ANKRD66: variants seen among roughly 807,000 people sequenced by gnomAD.
The protein encoded by ANKRD66 is ankyrin repeat domain 66.
In ANKRD66, 10 loss-of-function variants were observed where a neutral mutation model predicts 10.9. That is an observed-to-expected ratio of 0.91 (90% CI 0.56 to 1.55). The LOEUF is 1.55. ANKRD66 is among the 40% of genes most tolerant of loss of function. The pLI, the probability that ANKRD66 is intolerant of heterozygous loss-of-function variation, is 0.00. For synonymous variants in ANKRD66, 85 were observed against 88.4 expected, an observed-to-expected ratio of 0.96 and a Z score of 0.22; for missense variants, 252 against 242.9, an observed-to-expected ratio of 1.04 and a Z score of -0.25.
chr6:46,752,608 T>C (rs1766295854), intron 3 of ANKRD66, among the ~76,000 whole-genome samples: 1 of 152,236 alleles, frequency 6.6e-6, no homozygotes, highest in African/African-American at 2.4e-5. Flanking sequence ...TTGATATCTC[T>C]GGGCCTGTTT....
Position 46,749,957 on chromosome 6 carries a change from C to G in ANKRD66, c.-35C>G. On this transcript the variant is annotated 5_prime_UTR_variant, in exon 2 of 5. Transcript: ENST00000565422. ...CTTACCACAACAAAGATGGCCGGAC[C>G]CCTGCCCAGAGTTTCAGATTCTGTA... 1 of 1,509,632 alleles carries G rather than the reference C, an allele frequency of 6.6e-7. No individual in the cohort carries two copies. The allele number at this position is 1,509,632 out of a possible 1,614,324, so 93.5% of individuals were successfully genotyped here.
At chr6:46,749,151 C>T (rs755658281) in intron 1 of ANKRD66, among the ~76,000 whole-genome samples, 1 of 152,196 alleles carries the variant, frequency 6.6e-6, no homozygotes, top group East Asian at 1.9e-4. Context: ...CACAGCTGTG[C>T]CTGGCCACTG....
chr6:46,756,868 A>G (rs1196681393), intron 4 of ANKRD66: 1 of 152,148 alleles, frequency 6.6e-6, no homozygotes, highest in Non-Finnish European at 1.5e-5. Flanking sequence ...TGCTTTTTCT[A>G]AGAATAAATC....
chr6:46,748,346 T>C (rs573618043), intron 1 of ANKRD66, among the ~76,000 whole-genome samples: 65 of 152,278 alleles, frequency 4.3e-4, no homozygotes, highest in African/African-American at 1.5e-3. Context: ...CCATGGAAAG[T>C]TATGGAATCT....
At chr6:46,752,818 C>A (rs1043886767) in intron 3 of ANKRD66, among the ~76,000 whole-genome samples, 4 of 152,142 alleles carry the variant, frequency 2.6e-5, no homozygotes, top group African/African-American at 4.8e-5. Context: ...ATCCCCCACG[C>A]CTTACATAGC....
intron 1 of ANKRD66, among the ~76,000 whole-genome samples, chr6:46,747,785 A>G (rs977831095): frequency 2.0e-5 from 3 of 152,212 alleles, no homozygotes; most frequent in African/African-American, 4.8e-5. Flanking sequence ...ATATGGATAT[A>G]TGTTTTTCTT....
At position 46,758,909 on chromosome 6, in the gene ANKRD66, G is replaced by A. The variant is rs1416605329; in HGVS notation, c.579G>A (p.Gly193=). 6.5e-7 allele frequency: 1 copy of A among 1,549,854 alleles called. No homozygotes were observed. Among genetic ancestry groups the A allele is most frequent in the Non-Finnish European group, 8.7e-7 (1 of 1,146,266 alleles). The change falls in exon 5 of 5, where the codon GGG becomes GGA. Residue 193 remains glycine (G), a synonymous_variant. Coordinates refer to ENST00000565422, the MANE Select transcript of ANKRD66 (RefSeq NM_001162435.3). The part of the protein sequence containing the change: ...RGPTRPSNTK[G]RRV The stretch of plus-strand genomic sequence containing the variant: ...CCACCAGGCCCAGCAATACCAAGGG[G>A]AGGAGAGTATGAGAACTCAACCTTA...
rs781640324 is a variant in ANKRD66 at position 46,749,405 on chromosome 6, G to A, written c.-96-491G>A. On this transcript the variant is annotated intron_variant, in intron 1 of 4. Transcript: ENST00000565422. Reference sequence around the variant, plus strand: ...TTCCCCCTCAGGCTTGTCCTCGTTCGCCTAAGAATATCTCCACCTGAGGGC... The same window carrying A: ...TTCCCCCTCAGGCTTGTCCTCGTTCACCTAAGAATATCTCCACCTGAGGGC... 9.4e-4 allele frequency among the ~76,000 whole-genome samples: 143 copies of A among 152,224 alleles called. 2 individuals carry two copies. The highest frequency in any genetic ancestry group is 3.4e-4 in the Non-Finnish European group (23 of 68,006).
Position 46,758,985 on chromosome 6 carries a change from A to G in ANKRD66, c.*64A>G. The G allele has an allele frequency of 6.9e-7, 1 of 1,454,552 alleles. No individual in the cohort carries two copies. The highest frequency in any genetic ancestry group is 9.2e-7 in the Non-Finnish European group (1 of 1,086,908). 90.1% of individuals were successfully genotyped at this position (1,454,552 alleles called of 1,614,324 possible). On this transcript the variant is annotated 3_prime_UTR_variant, in exon 5 of 5. Transcript: ENST00000565422. ...GGTGCCAGAAATGAGGCTGTTAGGCATGGTGGCCTTTCCATGACTTTACTC... is the reference window on the plus strand; with the variant it reads ...GGTGCCAGAAATGAGGCTGTTAGGCGTGGTGGCCTTTCCATGACTTTACTC...
At chr6:46,753,604 G>A in intron 3 of ANKRD66, 118 bp from the exon 4 acceptor site, 1 of 919,606 alleles carries the variant, frequency 1.1e-6, no homozygotes, top group Non-Finnish European at 1.6e-6. Flanking sequence ...TAGGAAACTG[G>A]AGGCTCCTCA....
Position 46,752,258 on chromosome 6 carries a change from A to G in ANKRD66, c.163+147A>G, listed in dbSNP as rs980856494. The stretch of plus-strand genomic sequence containing the variant: ...TTCATTTTTTTTCTTTTTTTGAGAC[A>G]GAGTCTCGCTCTGTCATCCAGGCTG... On this transcript the variant is annotated intron_variant, in intron 3 of 4. Transcript: ENST00000565422. The G allele has an allele frequency of 7.6e-5, 74 of 971,782 alleles. No individual in the cohort carries two copies. The African/African-American group carries it at 1.2e-3, about 15-fold the overall frequency. The allele number at this position is 971,782 out of a possible 1,614,324, so 60.2% of individuals were successfully genotyped here. A position where few individuals can be genotyped will look rare whatever the true frequency, so the allele number is the denominator to read the frequency against.
chr6:46,749,882 T>G lies in ANKRD66; in HGVS notation c.-96-14T>G, dbSNP rs758026506. On this transcript the variant is annotated splice_polypyrimidine_tract_variant and intron_variant, in intron 1 of 4. Coordinates refer to ENST00000565422, the MANE Select transcript of ANKRD66 (RefSeq NM_001162435.3). ...GCATTTTAATTACGTTTACTTTTCT[T>G]TCTCTCCCTCCAGGGCTGTTCTCAC... 6.5e-7 allele frequency: 1 copy of G among 1,546,400 alleles called. No individual in the cohort carries two copies. Among genetic ancestry groups the G allele is most frequent in the South Asian group, 1.2e-5 (1 of 83,370 alleles).
intron 4 of ANKRD66, chr6:46,756,941 T>C (rs1766397800): frequency 6.6e-6 from 1 of 152,220 alleles, no homozygotes; most frequent in South Asian, 2.1e-4. Context: ...CCCTTGGCTG[T>C]CCTCTACTGA....
intron 4 of ANKRD66, chr6:46,756,915 A>T (rs1766396911): frequency 6.6e-6 from 1 of 152,220 alleles, no homozygotes. Context: ...AAATGCTGAC[A>T]TTCCTTAGGG....
At chr6:46,748,924 G>T (rs1175041140) in intron 1 of ANKRD66, among the ~76,000 whole-genome samples, 1 of 152,212 alleles carries the variant, frequency 6.6e-6, no homozygotes, top group Admixed American at 6.5e-5. Flanking sequence ...CCAGGTTCCA[G>T]ACCTACTAAA....
intron 1 of ANKRD66, 66 bp from the exon 2 acceptor site, chr6:46,749,830 C>G: frequency 2.0e-6 from 3 of 1,498,558 alleles, no homozygotes; most frequent in Admixed American, 4.4e-5. Flanking sequence ...GGTTCTTTCT[C>G]TCTGTCCTCT....
intron 2 of ANKRD66, 101 bp from the exon 3 acceptor site, chr6:46,751,836 A>G: frequency 1.6e-6 from 2 of 1,219,324 alleles, no homozygotes; most frequent in Non-Finnish European, 2.2e-6. Context: ...AGGCAAATGC[A>G]TGCGGCAGGA....
intron 2 of ANKRD66, 61 bp from the exon 3 acceptor site, chr6:46,751,876 G>A: frequency 3.7e-6 from 5 of 1,360,584 alleles, no homozygotes; most frequent in African/African-American, 1.5e-5. Flanking sequence ...AAGTCTATGG[G>A]ATTACTCGCT....
chr6:46,756,047 T>C (rs1192435528), intron 4 of ANKRD66: 1 of 442,536 alleles, frequency 2.3e-6, no homozygotes, highest in South Asian at 1.6e-5. Context: ...TCCACACCCA[T>C]TAAACAACTA....
Sources: allele counts gnomAD v4.1 joint callset (sites outside exome capture counted in the v4.1 genomes callset), GRCh38; gene constraint gnomAD v4.1.1; transcripts MANE v1.5; gene names NCBI Gene and HGNC (gene_info 2026-07-23, HGNC 2026-07-21).